NBPF26: variants seen among roughly 807,000 people sequenced by gnomAD.
The protein encoded by NBPF26 is NBPF member 26, also known as NBPF family member NBPF26.
NBPF26 carries 79 observed loss-of-function variants against 119.6 expected under a neutral mutation model. The ratio of observed to expected loss-of-function variants is 0.66; its 90% CI spans 0.55 to 0.80. The LOEUF is 0.80. Ranked by LOEUF, NBPF26 falls within the 30% of genes least tolerant of loss-of-function variation. NBPF26 has a pLI of 0.00. For synonymous variants in NBPF26, 299 were observed against 457.7 expected (o/e 0.65, Z 4.43); for missense variants, 800 against 1,198.2 (o/e 0.67, Z 4.91).
exon 5 of NBPF26, chr1:120,805,642 C>G (rs1553269726): frequency 6.8e-7 from 1 of 1,461,802 alleles, no homozygotes; most frequent in Admixed American, 1.8e-5. Flanking sequence ...GATGAACATT[C>G]TAGAAATCAA....
At chr1:120,810,763 A>G (rs1166202675) in intron 9 of NBPF26, among the ~76,000 whole-genome samples, 3,073 of 63,750 alleles carry the variant, frequency 0.048, 8 homozygotes, top group African/African-American at 0.057. Flanking sequence ...AGACCAGCCT[A>G]CACAATATGG....
Position 120,809,991 on chromosome 1 carries a change from G to A in NBPF26, c.1352+108G>A, listed in dbSNP as rs1651818456. ...TGGGCCAAAAGCCCACATCCCCTTG[G>A]CCACAGTATGTGAAATTCAACCCAG... On this transcript the variant is annotated intron_variant, in intron 8 of 29. Transcript: ENST00000620612. 9.0e-6 allele frequency: 13 copies of A among 1,440,222 alleles called. No homozygotes were observed. In the East Asian group the frequency reaches 1.1e-4, roughly 12 times the overall value. The allele number at this position is 1,440,222 out of a possible 1,614,324, so 89.2% of individuals were successfully genotyped here. A position where few individuals can be genotyped will look rare whatever the true frequency, so the allele number is the denominator to read the frequency against.
chr1:120,823,239 A>C, intron 16 of NBPF26, 70 bp from the exon 17 acceptor site: 2 of 780,436 alleles, frequency 2.6e-6, no homozygotes, highest in South Asian at 2.8e-5. Context: ...TTAGGATTGG[A>C]CAGAGGAATG....
downstream of NBPF26, chr1:120,840,713 G>A (rs1652501836): frequency 3.3e-6 from 4 of 1,228,576 alleles, no homozygotes; most frequent in Admixed American, 7.2e-5. Context: ...CAGTGGGCAT[G>A]GCTCTATTCC....
rs1651113039 is a variant in NBPF26 at position 120,759,706 on chromosome 1, A to T, written c.74-3922A>T. On this transcript the variant is annotated intron_variant, in intron 1 of 29. Coordinates refer to ENST00000620612, the Ensembl canonical transcript of NBPF26. ...TCAAGATTATTTTTCTTTTTTTAAA[A>T]ATTAGAATTGTCAATTTATAGTTGT... Among the ~76,000 whole-genome samples the T allele has an allele frequency of 2.7e-5, 3 of 112,334 alleles. No homozygotes were observed. The South Asian group carries it at 7.5e-4, about 28-fold the overall frequency. The allele number at this position is 112,334 out of a possible 152,430, so 73.7% of individuals were successfully genotyped here. A position where few individuals can be genotyped will look rare whatever the true frequency, so the allele number is the denominator to read the frequency against.
In NBPF26 at chr1:120,840,363, C is replaced by G. The variant is rs1553273419; in HGVS notation, c.4117C>G (p.Leu1373Val). 8.2e-6 allele frequency: 12 copies of G among 1,455,864 alleles called. 3 individuals carry two copies. The highest frequency in any genetic ancestry group is 5.6e-5 in the Admixed American group (3 of 53,756). The allele number at this position is 1,455,864 out of a possible 1,614,324, so 90.2% of individuals were successfully genotyped here. Residue 1373 changes from leucine (L) to valine (V), a missense_variant, in exon 30 of 30, where the codon CTG becomes GTG. By Grantham distance (32) the Leu-to-Val change is conservative. Coordinates refer to ENST00000620612, the Ensembl canonical transcript of NBPF26. ...CTCCTTTTGCAGGCTCAACAGCATG[C>G]TGATGGAAGTGGAAGAGCCTGAAGT...
chr1:120,805,497 A>G, intron 4 of NBPF26, 59 bp from the exon 5 acceptor site: 3 of 1,329,216 alleles, frequency 2.3e-6, no homozygotes, highest in Non-Finnish European at 3.1e-6. Context: ...AGTCCTGATT[A>G]AACCGATTTG....
intron 7 of NBPF26, among the ~76,000 whole-genome samples, chr1:120,809,004 TA>T (rs1651783295): frequency 8.5e-6 from 1 of 117,972 alleles, no homozygotes; most frequent in African/African-American, 4.7e-5. Context: ...AGGCAGCATC[TA>T]TCTAGTTTTA....
chr1:120,811,942 T>C lies in NBPF26; in HGVS notation c.1621T>C (p.Leu541=). Reference sequence around the variant, plus strand: ...CAGCATGGTGGTATCAGCCGGCCCTTTGTCCGGCGAGAAGGCAGCGATAAA... The same window carrying C: ...CAGCATGGTGGTATCAGCCGGCCCTCTGTCCGGCGAGAAGGCAGCGATAAA... Residue 541 remains leucine, a synonymous_variant, in exon 10 of 30, where the codon TTG becomes CTG. Transcript: ENST00000620612. 6 of 1,199,254 alleles carry C rather than the reference T, an allele frequency of 5.0e-6. 2 individuals carry two copies. Among genetic ancestry groups the C allele is most frequent in the Middle Eastern group, 5.0e-4 (2 of 4,038 alleles). 74.3% of individuals were successfully genotyped at this position (1,199,254 alleles called of 1,614,324 possible).
chr1:120,834,020 A>C (rs1284730653), intron 24 of NBPF26, among the ~76,000 whole-genome samples: 2 of 30,038 alleles, frequency 6.7e-5, no homozygotes, highest in Non-Finnish European at 1.2e-4. Flanking sequence ...CTCTCATGAC[A>C]TTGGACCTGG....
At chr1:120,765,790 C>T (rs1651184779) in intron 2 of NBPF26, among the ~76,000 whole-genome samples, 1 of 128,604 alleles carries the variant, frequency 7.8e-6, no homozygotes, top group East Asian at 2.0e-4. Flanking sequence ...CGATGGAATA[C>T]TATGCAGCCA....
intron 9 of NBPF26, 73 bp from the exon 10 acceptor site, chr1:120,811,813 C>T (rs1553271017): frequency 2.9e-6 from 2 of 697,484 alleles, no homozygotes; most frequent in East Asian, 5.0e-5. Context: ...CAGTGACATC[C>T]CTCAGTCCTG....
chr1:120,811,689 G>A (rs1213786089), intron 9 of NBPF26, among the ~76,000 whole-genome samples, 197 bp from the exon 10 acceptor site: 2 of 113,804 alleles, frequency 1.8e-5, no homozygotes, highest in Admixed American at 8.2e-5. Context: ...AAGTGTTTAT[G>A]TCTTGGTTTC....
intron 2 of NBPF26, among the ~76,000 whole-genome samples, chr1:120,770,255 C>T (rs1182719791): frequency 9.6e-6 from 1 of 104,372 alleles, no homozygotes; most frequent in Non-Finnish European, 1.8e-5. Context: ...CTGCAAGCTC[C>T]GCCTCCCGGG....
chr1:120,805,926 G>A (rs1220440090), intron 5 of NBPF26, among the ~76,000 whole-genome samples, 161 bp downstream of exon 5: 5 of 114,624 alleles, frequency 4.4e-5, no homozygotes, highest in South Asian at 5.2e-4. Context: ...GGAAGACAGA[G>A]GTACCAAAAT....
chr1:120,726,826 A>G (rs1333487459), intron 1 of NBPF26, among the ~76,000 whole-genome samples: 1 of 112,544 alleles, frequency 8.9e-6, no homozygotes, highest in East Asian at 2.2e-4. Context: ...TTAGATTTAA[A>G]AAATATTTAC....
downstream of NBPF26, chr1:120,840,846 T>G (rs1652506634): frequency 1.9e-6 from 1 of 525,102 alleles, no homozygotes; most frequent in Non-Finnish European, 3.1e-6. Context: ...ACATTTTAAT[T>G]TGAACCACGT....
rs1191459968 is a variant in NBPF26 at position 120,823,669 on chromosome 1, A to G, written c.2640-305A>G. 4.9e-5 allele frequency among the ~76,000 whole-genome samples: 6 copies of G among 122,800 alleles called. 1 individual carries two copies. The highest frequency in any genetic ancestry group is 2.3e-4 in the African/African-American group (6 of 25,534). The allele number at this position is 122,800 out of a possible 152,430, so 80.6% of individuals were successfully genotyped here. On this transcript the variant is annotated intron_variant, in intron 17 of 29. Coordinates refer to ENST00000620612, the Ensembl canonical transcript of NBPF26. ...GACATGCTTTTCATGATCACTGTTC[A>G]CTGTGTGTCCTGAGAGCACAAATAC... is the stretch of plus-strand genomic sequence containing the variant.
At chr1:120,823,494 T>C in intron 17 of NBPF26, 134 bp downstream of exon 17, 1 of 608,076 alleles carries the variant, frequency 1.6e-6, no homozygotes, top group Non-Finnish European at 2.8e-6. Flanking sequence ...CTACATTGCT[T>C]TTTGGTTCTC....
Sources: gnomAD v4.1 joint callset for allele counts (sites outside exome capture counted in the v4.1 genomes callset) on GRCh38, gnomAD v4.1.1 for gene constraint, MANE v1.5 for transcripts, NCBI Gene and HGNC (gene_info 2026-07-23, HGNC 2026-07-21) for gene names.